The following TAF1B variants were observed in gnomAD, a reference collection of about 807,000 sequenced individuals.
TAF1B encodes the protein TATA box-binding protein-associated factor RNA polymerase I subunit B.
A neutral mutation model predicts 83.9 loss-of-function variants in TAF1B; 61 were observed. The ratio of observed to expected loss-of-function variants is 0.73; its 90% CI spans 0.59 to 0.90. TAF1B has a LOEUF of 0.90. TAF1B is among the 40% of genes least tolerant of loss of function. The probability of loss-of-function intolerance (pLI) is 0.00; values close to 1 mark genes in which losing one functional copy is unlikely to be tolerated. For synonymous variants in TAF1B, 221 were observed against 224.6 expected (o/e 0.98, Z 0.14); for missense variants, 625 against 677.0 (o/e 0.92, Z 0.85).
chr2:9,894,302 A>G (rs889774554), intron 8 of TAF1B, among the ~76,000 whole-genome samples: 6 of 152,168 alleles, frequency 3.9e-5, no homozygotes, highest in African/African-American at 1.4e-4. Flanking sequence ...ATAGGTAGGA[A>G]ATTTCTAGAC....
chr2:9,843,629 G>C (rs1287321972), intron 1 of TAF1B, 70 bp downstream of exon 1: 2 of 1,410,360 alleles, frequency 1.4e-6, no homozygotes, highest in African/African-American at 1.5e-5. Flanking sequence ...AGGAGGAGCG[G>C]CGGAGGACGC....
chr2:9,854,986 T>C (rs1368218962), intron 5 of TAF1B, among the ~76,000 whole-genome samples: 2 of 146,410 alleles, frequency 1.4e-5, no homozygotes, highest in African/African-American at 4.9e-5. Flanking sequence ...GATAATTTTT[T>C]TTGTTCATTT....
chr2:9,849,477 T>C lies in TAF1B; in HGVS notation c.205+17T>C, dbSNP rs1173594924. 6.7e-7 allele frequency: 1 copy of C among 1,498,468 alleles called. No individual in the cohort carries two copies. The highest frequency in any genetic ancestry group is 1.4e-5 in the African/African-American group (1 of 70,924). The allele number at this position is 1,498,468 out of a possible 1,614,324, so 92.8% of individuals were successfully genotyped here. The stretch of plus-strand genomic sequence containing the variant: ...ACAATACTGGTAAGTTCTTTCTTCA[T>C]ATGTACTTAACATTCTTTATTCACA... On this transcript the variant is annotated intron_variant, in intron 3 of 14. Coordinates refer to ENST00000263663, the MANE Select transcript of TAF1B (RefSeq NM_005680.3).
intron 4 of TAF1B, chr2:9,852,087 G>A (rs1379722806): frequency 2.1e-6 from 1 of 466,166 alleles, no homozygotes; most frequent in Non-Finnish European, 4.5e-6. Flanking sequence ...TAAACCAGTC[G>A]TTCACCTGAG....
At chr2:9,860,364 G>A (rs1663712427) in intron 5 of TAF1B, among the ~76,000 whole-genome samples, 1 of 152,204 alleles carries the variant, frequency 6.6e-6, no homozygotes, top group African/African-American at 2.4e-5. Context: ...ACATGCTATT[G>A]TTTGTAACAT....
intron 5 of TAF1B, among the ~76,000 whole-genome samples, chr2:9,865,698 A>G (rs920348795): frequency 2.0e-5 from 3 of 151,954 alleles, no homozygotes; most frequent in African/African-American, 4.8e-5. Flanking sequence ...CTACAAGGCT[A>G]CAGTAACCAA....
chr2:9,875,081 C>T (rs1294638919), intron 6 of TAF1B, among the ~76,000 whole-genome samples: 1 of 152,052 alleles, frequency 6.6e-6, no homozygotes, highest in East Asian at 1.9e-4. Flanking sequence ...CCTGTCTCAG[C>T]CTCCCAAGTA....
At chr2:9,917,869 G>A (rs558571456) in intron 12 of TAF1B, among the ~76,000 whole-genome samples, 1 of 151,866 alleles carries the variant, frequency 6.6e-6, no homozygotes, top group Non-Finnish European at 1.5e-5. Context: ...TCAGGAGATT[G>A]AGACCATCCC....
intron 9 of TAF1B, among the ~76,000 whole-genome samples, chr2:9,908,843 C>G (rs1345360446): frequency 6.6e-6 from 1 of 152,186 alleles, no homozygotes; most frequent in Admixed American, 6.5e-5. Flanking sequence ...CCTGAAAGCA[C>G]CATCCCATGT....
chr2:9,885,131 GT>G (rs1664633745), intron 8 of TAF1B, among the ~76,000 whole-genome samples: 1 of 152,294 alleles, frequency 6.6e-6, no homozygotes, highest in Admixed American at 6.5e-5. Context: ...GGGCAGAAAA[GT>G]AGGCAAACAG....
At chr2:9,905,178 T>G (rs927890787) in intron 9 of TAF1B, among the ~76,000 whole-genome samples, 172 bp downstream of exon 9, 3 of 152,214 alleles carry the variant, frequency 2.0e-5, no homozygotes, top group African/African-American at 7.2e-5. Context: ...TTAAAATCAT[T>G]AAAGGGACAA....
chr2:9,863,609 T>C (rs2125143149), intron 5 of TAF1B, among the ~76,000 whole-genome samples: 1 of 152,356 alleles, frequency 6.6e-6, no homozygotes, highest in South Asian at 2.1e-4. Context: ...AATAGACATC[T>C]ATAGAACTCT....
intron 13 of TAF1B, among the ~76,000 whole-genome samples, 179 bp from the exon 14 acceptor site, chr2:9,919,419 T>G (rs1665798544): frequency 1.3e-5 from 2 of 152,188 alleles, no homozygotes; most frequent in African/African-American, 2.4e-5. Context: ...TGAAGTAAGG[T>G]TTCCCCCATG....
intron 14 of TAF1B, among the ~76,000 whole-genome samples, chr2:9,924,280 C>T (rs1387521863): frequency 1.3e-5 from 2 of 152,092 alleles, no homozygotes; most frequent in Non-Finnish European, 2.9e-5. Context: ...CTCAGAGAGC[C>T]CCTTAGCCCC....
At chr2:9,844,156 GT>G (rs1034635438) in intron 1 of TAF1B, among the ~76,000 whole-genome samples, 2 of 152,014 alleles carry the variant, frequency 1.3e-5, no homozygotes, top group African/African-American at 4.8e-5. Flanking sequence ...GCACATTTTT[GT>G]TTTTTATTTT....
chr2:9,914,824 G>A lies in TAF1B; in HGVS notation c.1271+1575G>A, dbSNP rs1665635065. Among the ~76,000 whole-genome samples the A allele has an allele frequency of 6.6e-6, 1 of 152,174 alleles. No homozygotes were observed. The highest frequency in any genetic ancestry group is 1.5e-5 in the Non-Finnish European group (1 of 68,042). On this transcript the variant is annotated intron_variant, in intron 12 of 14. Transcript: ENST00000263663. This position sits in a 1 kb window ranked among gnomAD's most constrained non-coding sequence, Gnocchi z 4.3. ...CACACGTGCAGTGTGAGTCACTGCTGAGTAATATGCGAAGCACTACCAACT... is the reference window on the plus strand; with the variant it reads ...CACACGTGCAGTGTGAGTCACTGCTAAGTAATATGCGAAGCACTACCAACT...
chr2:9,910,398 G>A (rs553105139), intron 9 of TAF1B, among the ~76,000 whole-genome samples: 2 of 152,244 alleles, frequency 1.3e-5, no homozygotes, highest in South Asian at 4.1e-4. Flanking sequence ...GAAGCTTTTG[G>A]TCTCATAAGG....
chr2:9,912,150 A>C (rs573667621), intron 11 of TAF1B, among the ~76,000 whole-genome samples: 2 of 152,342 alleles, frequency 1.3e-5, no homozygotes, highest in South Asian at 4.1e-4. Context: ...TAGATTGCCA[A>C]TATTTGTAAA....
intron 6 of TAF1B, among the ~76,000 whole-genome samples, chr2:9,874,211 C>T (rs1040184956): frequency 6.6e-6 from 1 of 152,150 alleles, no homozygotes; most frequent in African/African-American, 2.4e-5. Context: ...GCTCTCACTA[C>T]ACTGGCCTTT....
Sources: allele counts gnomAD v4.1 joint callset (sites outside exome capture counted in the v4.1 genomes callset), GRCh38; gene constraint gnomAD v4.1.1; non-coding constraint Gnocchi (gnomAD v3.1); transcripts MANE v1.5; gene names NCBI Gene and HGNC (gene_info 2026-07-23, HGNC 2026-07-21).